Variants in PTPRU observed in about 807,000 individuals in gnomAD.
The protein encoded by PTPRU is protein tyrosine phosphatase receptor type U, also known as receptor-type tyrosine-protein phosphatase U.
In PTPRU, 69 loss-of-function variants were observed where a neutral mutation model predicts 166.3. That is an observed-to-expected ratio of 0.41 (90% confidence interval 0.34 to 0.51). The LOEUF is 0.51. PTPRU is among the 20% of genes least tolerant of loss of function. The pLI is 0.09. For synonymous variants in PTPRU, 793 were observed against 814.0 expected, an observed-to-expected ratio of 0.97 and a Z score of 0.44; for missense variants, 1,657 against 2,013.7, an observed-to-expected ratio of 0.82 and a Z score of 3.39.
intron 1 of PTPRU, among the ~76,000 whole-genome samples, chr1:29,246,115 A>G (rs1684285877): frequency 6.6e-6 from 1 of 152,228 alleles, no homozygotes; most frequent in African/African-American, 2.4e-5. Context: ...TGCATTCCAC[A>G]GTTGCATTGT....
In PTPRU at chr1:29,317,102, G is replaced by T. The variant is rs905171373; in HGVS notation, c.3514-646G>T. Among the ~76,000 whole-genome samples, 18 of 152,148 alleles carry T rather than the reference G, an allele frequency of 1.2e-4. No individual in the cohort carries two copies. The highest frequency in any genetic ancestry group is 4.3e-4 in the African/African-American group (18 of 41,414). On this transcript the variant is annotated intron_variant, in intron 24 of 29. Coordinates refer to ENST00000373779, the MANE Select transcript of PTPRU (RefSeq NM_133178.4). This position sits in a 1 kb window ranked among gnomAD's most constrained non-coding sequence, Gnocchi z 5.6. Reference sequence around the variant, plus strand: ...CAGGCTTTGGGGATCATGATAGACTGTGGTTCCCTGTGAGGGATCTCCAAG... The same window carrying T: ...CAGGCTTTGGGGATCATGATAGACTTTGGTTCCCTGTGAGGGATCTCCAAG...
intron 12 of PTPRU, chr1:29,283,685 G>A (rs1686207822): frequency 7.8e-6 from 4 of 513,280 alleles, no homozygotes; most frequent in South Asian, 5.5e-5. Flanking sequence ...CCGAGGCCCC[G>A]CCCATTTCCC....
intron 1 of PTPRU, among the ~76,000 whole-genome samples, chr1:29,252,560 G>A (rs1045201773): frequency 6.6e-6 from 1 of 152,094 alleles, no homozygotes; most frequent in Non-Finnish European, 1.5e-5. Context: ...GAGCCACCGC[G>A]CCTGGCCTGG....
In PTPRU at chr1:29,323,654, G is replaced by A. The variant is rs764194126; in HGVS notation, c.3978G>A (p.Val1326=). The part of the protein sequence containing the change: ...ISRLQEGHLL[V]RHFQFLRWSA... The stretch of plus-strand genomic sequence containing the variant: ...AGTTGCAGGAGGGGCACCTGCTGGT[G>A]CGGCACTTCCAGTTCCTGCGCTGGT... Residue 1326 remains valine, a synonymous_variant, in exon 28 of 30, where the codon GTG becomes GTA. Transcript: ENST00000373779. The A allele has an allele frequency of 6.2e-7, 1 of 1,614,102 alleles. No homozygotes were observed.
At chr1:29,288,892 TG>T (rs1686487677) in intron 14 of PTPRU, among the ~76,000 whole-genome samples, 1 of 152,162 alleles carries the variant, frequency 6.6e-6, no homozygotes, top group Non-Finnish European at 1.5e-5. Context: ...CTTTACACTG[TG>T]GGTGCTTTGC....
intron 15 of PTPRU, among the ~76,000 whole-genome samples, chr1:29,297,897 G>T (rs1686963676): frequency 6.6e-6 from 1 of 152,192 alleles, no homozygotes; most frequent in Non-Finnish European, 1.5e-5. Flanking sequence ...GCATTTTGGT[G>T]AGATGGGTAT....
chr1:29,245,319 G>T (rs759023497), intron 1 of PTPRU, among the ~76,000 whole-genome samples: 3 of 152,164 alleles, frequency 2.0e-5, no homozygotes, highest in Non-Finnish European at 2.9e-5. Context: ...ATGTTGGAGG[G>T]AGGGAGACAA....
chr1:29,254,005 C>T (rs1278144444), intron 1 of PTPRU, among the ~76,000 whole-genome samples: 1 of 152,162 alleles, frequency 6.6e-6, no homozygotes, highest in Non-Finnish European at 1.5e-5. Context: ...AAGATTTGAT[C>T]CCAAGTCTGT....
intron 15 of PTPRU, among the ~76,000 whole-genome samples, chr1:29,298,086 C>T (rs1195442230): frequency 6.6e-5 from 10 of 151,944 alleles, no homozygotes; most frequent in African/African-American, 2.2e-4. Context: ...GGTGAAACCC[C>T]GTCTCTACTA....
At chr1:29,275,394 C>T (rs1412373324) in intron 7 of PTPRU, 54 bp from the exon 8 acceptor site, 2 of 1,493,928 alleles carry the variant, frequency 1.3e-6, no homozygotes, top group Non-Finnish European at 1.8e-6. Context: ...GTTCTTCTTC[C>T]TCTTCTCTTC....
intron 1 of PTPRU, among the ~76,000 whole-genome samples, chr1:29,244,154 C>G (rs1397411576): frequency 6.6e-6 from 1 of 151,828 alleles, no homozygotes; most frequent in Non-Finnish European, 1.5e-5. Context: ...TTTGACAGGG[C>G]AAGATTAAAG....
chr1:29,286,740 G>C (rs906092420), intron 14 of PTPRU, among the ~76,000 whole-genome samples: 1 of 152,070 alleles, frequency 6.6e-6, no homozygotes, highest in African/African-American at 2.4e-5. Context: ...CCTGCAAAGA[G>C]AGCACTGGGC....
rs201444699 is a variant in PTPRU at position 29,259,372 on chromosome 1, G to T, written c.559+30G>T. On this transcript the variant is annotated intron_variant, in intron 4 of 29. Coordinates refer to ENST00000373779, the MANE Select transcript of PTPRU (RefSeq NM_133178.4). ...GTCCCAGCCCACTGGGGGCGCAGGG[G>T]TAAGGGGTGTGGGCGGCCGCGGCTC... The T allele has an allele frequency of 3.3e-5, 53 of 1,612,376 alleles. No individual in the cohort carries two copies. The Admixed American group carries it at 8.8e-4, about 27-fold the overall frequency.
chr1:29,289,541 G>T, intron 14 of PTPRU: 2 of 919,360 alleles, frequency 2.2e-6, no homozygotes, highest in South Asian at 1.5e-5. Flanking sequence ...AGGTCCTCCT[G>T]ACCTGTTCAG....
At chr1:29,296,932 A>G (rs553524109) in intron 15 of PTPRU, among the ~76,000 whole-genome samples, 1 of 151,186 alleles carries the variant, frequency 6.6e-6, no homozygotes, top group East Asian at 1.9e-4. Context: ...TTGTCTAGGT[A>G]TTTGGCCATT....
rs999661003 is a variant in PTPRU at position 29,320,932 on chromosome 1, A to G, written c.3828+107A>G. 15 of 1,285,956 alleles carry G rather than the reference A, an allele frequency of 1.2e-5. No individual in the cohort carries two copies. Among genetic ancestry groups the G allele is most frequent in the Non-Finnish European group, 1.5e-5 (14 of 961,950 alleles). 79.7% of individuals were successfully genotyped at this position (1,285,956 alleles called of 1,614,324 possible). On this transcript the variant is annotated intron_variant, in intron 26 of 29. Transcript: ENST00000373779. The surrounding 1 kb of genome is among the most constrained non-coding windows in gnomAD (Gnocchi z 5.2). ...AAGTTGGGTCCCAGCTCTGCCATCT[A>G]TTTATTGTGTGATGAATCATACACC...
intron 28 of PTPRU, among the ~76,000 whole-genome samples, chr1:29,324,876 T>C (rs1480923154): frequency 6.6e-6 from 1 of 151,544 alleles, no homozygotes; most frequent in African/African-American, 2.4e-5. Flanking sequence ...CTTAGTTTCC[T>C]AGCCCCGCCC....
In PTPRU at chr1:29,317,281, C is replaced by A. The variant is rs1213359472; in HGVS notation, c.3514-467C>A. On this transcript the variant is annotated intron_variant, in intron 24 of 29. Coordinates refer to ENST00000373779, the MANE Select transcript of PTPRU (RefSeq NM_133178.4). The surrounding 1 kb of genome is among the most constrained non-coding windows in gnomAD (Gnocchi z 5.6). ...ACAGGGCCGTGACCAAGGAACGTGA[C>A]CCCCTCTCCACGTGCCTGGAGTCCG... is the stretch of plus-strand genomic sequence containing the variant. Among the ~76,000 whole-genome samples the A allele has an allele frequency of 6.6e-6, 1 of 152,086 alleles. No homozygotes were observed. Among genetic ancestry groups the A allele is most frequent in the Non-Finnish European group, 1.5e-5 (1 of 68,010 alleles).
chr1:29,284,770 A>C lies in PTPRU; in HGVS notation c.2219A>C (p.Gln740Pro). The change falls in exon 14 of 30, where the codon CAG becomes CCG. Residue 740 changes from glutamine to proline, a missense_variant. Transcript: ENST00000373779. ...AGCAAGCGGCCCCTGGAGGTGTCCCAGAGATCGGAGGAGATGGGGCTTATC... is the reference window on the plus strand; with the variant it reads ...AGCAAGCGGCCCCTGGAGGTGTCCCCGAGATCGGAGGAGATGGGGCTTATC... ...KESKRPLEVS[Q>P]RSEEMGLILG... 2 of 1,614,060 alleles carry C rather than the reference A, an allele frequency of 1.2e-6. No individual in the cohort carries two copies. Among genetic ancestry groups the C allele is most frequent in the Non-Finnish European group, 1.7e-6 (2 of 1,179,984 alleles).
Sources: allele counts gnomAD v4.1 joint callset (sites outside exome capture counted in the v4.1 genomes callset), GRCh38; gene constraint gnomAD v4.1.1; non-coding constraint Gnocchi (gnomAD v3.1); transcripts MANE v1.5; gene names NCBI Gene and HGNC (gene_info 2026-07-23, HGNC 2026-07-21).